Variants in TESMIN observed in about 807,000 individuals in gnomAD.
The protein encoded by TESMIN is CXC domain containing 2.
TESMIN carries 34 observed loss-of-function variants against 47.4 expected under a neutral mutation model. That is an observed-to-expected ratio of 0.72 (90% confidence interval 0.55 to 0.96). The LOEUF (loss-of-function observed/expected upper bound fraction) is 0.96. TESMIN is among the 40% of genes least tolerant of loss of function. The pLI, the probability that TESMIN is intolerant of heterozygous loss-of-function variation, is 0.00. For synonymous variants in TESMIN, 278 were observed against 258.9 expected (o/e 1.07, Z -0.71); for missense variants, 610 against 637.2 (o/e 0.96, Z 0.46).
chr11:68,747,082 AC>A (rs1401961766), intron 3 of TESMIN, 125 bp downstream of exon 3: 1 of 1,094,242 alleles, frequency 9.1e-7, no homozygotes, highest in Non-Finnish European at 1.4e-6. Flanking sequence ...TAATGAGACA[AC>A]CAAAAATCCT....
intron 6 of TESMIN, chr11:68,736,602 T>A (rs1946389573): frequency 2.0e-6 from 2 of 985,288 alleles, no homozygotes; most frequent in South Asian, 9.4e-5. Context: ...GGAGAGGCAT[T>A]GGATTAAGTA....
At chr11:68,723,642 T>TGACAAAATA (rs1467077778) in intron 6 of TESMIN, among the ~76,000 whole-genome samples, 2 of 151,954 alleles carry the variant, frequency 1.3e-5, no homozygotes, top group Admixed American at 6.6e-5. Context: ...CTGAGAAGGC[T>TGACAAAATA]GACAAAATAG....
intron 6 of TESMIN, among the ~76,000 whole-genome samples, chr11:68,730,734 G>C (rs1946317108): frequency 6.6e-6 from 1 of 151,160 alleles, no homozygotes; most frequent in Admixed American, 6.6e-5. Context: ...GGTGGAGGTT[G>C]CAGTGAGCCG....
chr11:68,747,555 C>T (rs552828294), intron 2 of TESMIN, among the ~76,000 whole-genome samples, 189 bp from the exon 3 acceptor site: 5 of 152,246 alleles, frequency 3.3e-5, no homozygotes, highest in East Asian at 1.9e-4. Flanking sequence ...ACCTGGGAGG[C>T]GGAGGTTGCT....
chr11:68,707,201 A>G (rs1335604026), downstream of TESMIN, among the ~76,000 whole-genome samples: 1 of 152,240 alleles, frequency 6.6e-6, no homozygotes, highest in African/African-American at 2.4e-5. Context: ...AGACTGTTCC[A>G]GACAGCTCCA....
Position 68,716,067 on chromosome 11 carries a change from C to T in TESMIN, c.918-128G>A, listed in dbSNP as rs113538539. On this transcript the variant is annotated intron_variant, in intron 6 of 9. Transcript: ENST00000255087. The stretch of plus-strand genomic sequence containing the variant: ...TCAGAACACTGAACACTTTCATAGA[C>T]GGCTCAGACTCCTTTTATATGAGAA... 275 of 628,970 alleles carry T rather than the reference C, an allele frequency of 4.4e-4. 4 individuals are homozygous for T. In the South Asian group the frequency reaches 4.8e-3, roughly 11 times the overall value. The allele number at this position is 628,970 out of a possible 1,614,324, so 39.0% of individuals were successfully genotyped here. A position where few individuals can be genotyped will look rare whatever the true frequency, so the allele number is the denominator to read the frequency against.
chr11:68,714,207 G>T (rs1295468938), intron 7 of TESMIN, among the ~76,000 whole-genome samples: 6 of 152,244 alleles, frequency 3.9e-5, no homozygotes, highest in African/African-American at 9.6e-5. Flanking sequence ...CTGTCCAGCA[G>T]CACGGCCCCT....
intron 5 of TESMIN, 46 bp downstream of exon 5, chr11:68,742,272 G>A (rs771481787): frequency 9.4e-6 from 11 of 1,164,808 alleles, no homozygotes; most frequent in East Asian, 2.5e-5. Context: ...AATTTTAAGA[G>A]ACAATAATGC....
chr11:68,711,732 G>A (rs183801959), intron 8 of TESMIN, among the ~76,000 whole-genome samples: 2 of 152,316 alleles, frequency 1.3e-5, no homozygotes, highest in Admixed American at 6.5e-5. Context: ...AGTAGAATTC[G>A]AAATCTGCCT....
Position 68,719,035 on chromosome 11 carries a change from G to T in TESMIN, c.918-3096C>A, listed in dbSNP as rs144305229. On this transcript the variant is annotated intron_variant, in intron 6 of 9. Coordinates refer to ENST00000255087, the MANE Select transcript of TESMIN (RefSeq NM_004923.3). ...CACAAGGAAGATGCGGGCTCCAGGA[G>T]TCAGGAGCCCAAACATGACAAAGAA... is the stretch of plus-strand genomic sequence containing the variant. Among the ~76,000 whole-genome samples, 626 of 152,322 alleles carry T rather than the reference G, an allele frequency of 4.1e-3. 4 individuals are homozygous for T. Among genetic ancestry groups the T allele is most frequent in the African/African-American group, 0.014 (594 of 41,570 alleles).
intron 7 of TESMIN, among the ~76,000 whole-genome samples, chr11:68,713,742 C>T (rs1422525962): frequency 6.6e-6 from 1 of 152,192 alleles, no homozygotes; most frequent in Non-Finnish European, 1.5e-5. Context: ...GGCCCTCTTT[C>T]CTAAGATGGT....
chr11:68,744,202 A>C (rs1946492012), intron 4 of TESMIN, among the ~76,000 whole-genome samples: 1 of 152,194 alleles, frequency 6.6e-6, no homozygotes, highest in South Asian at 2.1e-4. Flanking sequence ...GGCCAGTGAA[A>C]CTACATCTGG....
In TESMIN at chr11:68,708,188, C is replaced by A. The variant is rs1946018717; in HGVS notation, c.*120G>T. ...GAGCTCTGAGTAAACTCCCTGGGCC[C>A]AGGGATGCAGGGGAGCCTGGTTGTT... On this transcript the variant is annotated 3_prime_UTR_variant, in exon 10 of 10. Coordinates refer to ENST00000255087, the MANE Select transcript of TESMIN (RefSeq NM_004923.3). The A allele has an allele frequency of 1.0e-6, 1 of 1,000,862 alleles. No homozygotes were observed. Among genetic ancestry groups the A allele is most frequent in the East Asian group, 2.5e-5 (1 of 40,128 alleles). The allele number at this position is 1,000,862 out of a possible 1,614,324, so 62.0% of individuals were successfully genotyped here.
At position 68,708,315 on chromosome 11, in the gene TESMIN, AT is replaced by A; in HGVS notation, c.1519del (p.Met507TrpfsTer5). Reference protein sequence around the residue: ...HTEFKSKGLKME With the variant: ...HTEFKSKGLKXE ...GCATTCACACTTTATACTCTACTCC[AT>A]TTTCAATCCCTTAGATTTAAACTCA... On this transcript the variant is annotated frameshift_variant, in exon 10 of 10. Coordinates refer to ENST00000255087, the MANE Select transcript of TESMIN (RefSeq NM_004923.3). LOFTEE classifies it high-confidence loss of function. 1 of 1,600,706 alleles carries A rather than the reference AT, an allele frequency of 6.2e-7. No individual in the cohort carries two copies. The highest frequency in any genetic ancestry group is 8.5e-7 in the Non-Finnish European group (1 of 1,174,060).
chr11:68,716,925 C>T (rs1250058670), intron 6 of TESMIN, among the ~76,000 whole-genome samples: 2 of 152,216 alleles, frequency 1.3e-5, no homozygotes, highest in Admixed American at 1.3e-4. Context: ...GAGCTTCCAA[C>T]TCGTTTTCCA....
intron 6 of TESMIN, among the ~76,000 whole-genome samples, chr11:68,735,077 T>A (rs1946371674): frequency 6.6e-6 from 1 of 152,268 alleles, no homozygotes; most frequent in Non-Finnish European, 1.5e-5. Flanking sequence ...AAAGACAATG[T>A]TGCTGAATGC....
At chr11:68,745,420 C>T (rs144347488) in intron 3 of TESMIN, among the ~76,000 whole-genome samples, 3 of 152,058 alleles carry the variant, frequency 2.0e-5, no homozygotes, top group Non-Finnish European at 4.4e-5. Context: ...AGTTGGGGAT[C>T]AGGTAGCCAT....
intron 7 of TESMIN, among the ~76,000 whole-genome samples, chr11:68,714,341 CATG>C (rs1446731783): frequency 1.2e-4 from 19 of 152,346 alleles, no homozygotes; most frequent in Admixed American, 1.2e-3. Context: ...GCAGCTGTGG[CATG>C]ATGATCTTGT....
At chr11:68,721,472 C>T (rs571024708) in intron 6 of TESMIN, among the ~76,000 whole-genome samples, 65 of 152,274 alleles carry the variant, frequency 4.3e-4, no homozygotes, top group Middle Eastern at 3.4e-3. Flanking sequence ...GCCACATTTT[C>T]CATGGTTCCA....
Sources: allele counts gnomAD v4.1 joint callset (sites outside exome capture counted in the v4.1 genomes callset), GRCh38; gene constraint gnomAD v4.1.1; transcripts MANE v1.5; gene names NCBI Gene and HGNC (gene_info 2026-07-23, HGNC 2026-07-21).